The following SEL1L3 variants were observed in gnomAD, a reference collection of about 807,000 sequenced individuals.
SEL1L3 encodes the protein SEL1L family member 3, also known as protein sel-1 homolog 3.
Under a neutral mutation model 142.8 loss-of-function variants are expected in SEL1L3, and 76 were observed. The ratio of observed to expected loss-of-function variants is 0.53; its 90% CI spans 0.44 to 0.64. SEL1L3 has a LOEUF of 0.64. Ranked by LOEUF, SEL1L3 falls within the 30% of genes least tolerant of loss-of-function variation. SEL1L3 has a pLI of 0.00. For missense variants in SEL1L3, 1,262 were observed against 1,381.7 expected, an observed-to-expected ratio of 0.91 and a Z score of 1.37; for synonymous variants, 504 against 519.6, an observed-to-expected ratio of 0.97 and a Z score of 0.41.
intron 17 of SEL1L3, chr4:25,773,299 G>A (rs1248643922): frequency 6.6e-6 from 1 of 152,154 alleles, no homozygotes; most frequent in Admixed American, 6.5e-5. Flanking sequence ...TTACTTCTGG[G>A]TACTGGGGGT....
chr4:25,715,094 G>A, the SEL1L3 span, among the ~76,000 whole-genome samples: 1 of 152,042 alleles, frequency 6.6e-6, no homozygotes, highest in Non-Finnish European at 1.5e-5. Flanking sequence ...GCAATAATTC[G>A]ATAGAAACAG....
chr4:25,860,119 C>G (rs1389262994), intron 1 of SEL1L3, among the ~76,000 whole-genome samples: 2 of 152,212 alleles, frequency 1.3e-5, no homozygotes, highest in Non-Finnish European at 2.9e-5. Flanking sequence ...GTTATCTCAT[C>G]TAAATGGAGA....
chr4:25,845,929 T>C (rs10022890), intron 2 of SEL1L3, among the ~76,000 whole-genome samples: 59,714 of 151,892 alleles, frequency 0.39, 15,246 homozygotes, highest in African/African-American at 0.73. Flanking sequence ...TAGGGTGCAT[T>C]AGAGTCGTGA....
rs1280993901 is a variant in SEL1L3 at position 25,847,589 on chromosome 4, T to C, written c.438A>G (p.Val146=). ...CCATAATGCTTGGAAATTTCACATG[T>C]ACTATTTGTGTCCTGCTGGTGTGAA... is the stretch of plus-strand genomic sequence containing the variant. ...KHLHTSRTQI[V]HVKFPSIMVY... is the part of the protein sequence containing the mutation. Residue 146 remains valine (V), a synonymous_variant, in exon 2 of 24, where the codon GTA becomes GTG. Coordinates refer to ENST00000399878, the MANE Select transcript of SEL1L3 (RefSeq NM_015187.5). 6.2e-7 allele frequency: 1 copy of C among 1,613,902 alleles called. No individual in the cohort carries two copies. The highest frequency in any genetic ancestry group is 1.3e-5 in the African/African-American group (1 of 74,936).
chr4:25,833,620 C>A, intron 3 of SEL1L3, 51 bp from the exon 4 acceptor site: 1 of 1,520,186 alleles, frequency 6.6e-7, no homozygotes. Context: ...CATCCAAGAA[C>A]AGGTAATTAT....
chr4:25,803,544 C>A (rs971466844), intron 10 of SEL1L3, among the ~76,000 whole-genome samples: 1 of 152,192 alleles, frequency 6.6e-6, no homozygotes, highest in Non-Finnish European at 1.5e-5. Context: ...ACTGTGCCAT[C>A]GGGTACCCAG....
intron 5 of SEL1L3, 68 bp from the exon 6 acceptor site, chr4:25,830,224 G>A: frequency 1.0e-6 from 1 of 988,386 alleles, no homozygotes; most frequent in South Asian, 1.4e-5. Flanking sequence ...GCAGTCCTTT[G>A]TGTAAATTAC....
intron 8 of SEL1L3, among the ~76,000 whole-genome samples, chr4:25,819,038 C>T (rs976596840): frequency 2.0e-5 from 3 of 152,178 alleles, no homozygotes; most frequent in East Asian, 1.9e-4. Flanking sequence ...ATACTCAATT[C>T]GCTTTTGCTG....
chr4:25,727,228 AT>A, the SEL1L3 span, among the ~76,000 whole-genome samples: 1 of 151,744 alleles, frequency 6.6e-6, no homozygotes, highest in Non-Finnish European at 1.5e-5. Context: ...AATATTTTGT[AT>A]TTTTAGTAGA....
chr4:25,825,761 G>A (rs1715057471), intron 6 of SEL1L3, among the ~76,000 whole-genome samples: 2 of 134,522 alleles, frequency 1.5e-5, no homozygotes, highest in Non-Finnish European at 3.0e-5. Context: ...TGCAACCTCT[G>A]CCTCCTGGGT....
intron 11 of SEL1L3, among the ~76,000 whole-genome samples, chr4:25,800,858 A>G (rs1713136370): frequency 6.6e-6 from 1 of 152,248 alleles, no homozygotes; most frequent in African/African-American, 2.4e-5. Flanking sequence ...TTCAACATTT[A>G]CTGACAGCAT....
rs1560355486 is a variant in SEL1L3 at position 25,847,715 on chromosome 4, T to C, written c.312A>G (p.Leu104=). Residue 104 remains leucine (L), a synonymous_variant, in exon 2 of 24, where the codon TTA becomes TTG. Coordinates refer to ENST00000399878, the MANE Select transcript of SEL1L3 (RefSeq NM_015187.5). The part of the protein sequence containing the change: ...RNVSEVSVEY[L]CSQPCVVNLE... ...AATTGACAACACAAGGCTGAGAGCA[T>C]AAATACTCAACCGAGACTTCAGAAA... is the stretch of plus-strand genomic sequence containing the variant. The C allele has an allele frequency of 6.2e-7, 1 of 1,613,898 alleles. No individual in the cohort carries two copies. Among genetic ancestry groups the C allele is most frequent in the South Asian group, 1.1e-5 (1 of 91,070 alleles).
chr4:25,714,961 A>T, the SEL1L3 span, among the ~76,000 whole-genome samples: 4,940 of 152,282 alleles, frequency 0.032, 105 homozygotes, highest in Middle Eastern at 0.061. Context: ...AAGCAGAGAA[A>T]GCTCAAATCA....
At chr4:25,759,369 C>A in intron 20 of SEL1L3, 1 of 291,258 alleles carries the variant, frequency 3.4e-6, no homozygotes, top group South Asian at 5.3e-5. Context: ...GGAAAACGTG[C>A]CCTTGTATCA....
chr4:25,751,941 T>C (rs1560272907), intron 23 of SEL1L3, among the ~76,000 whole-genome samples: 1 of 151,766 alleles, frequency 6.6e-6, no homozygotes, highest in Non-Finnish European at 1.5e-5. Context: ...AAACCCTGTC[T>C]CTACTAAAAA....
At chr4:25,789,307 C>T (rs1712104522) in intron 12 of SEL1L3, among the ~76,000 whole-genome samples, 1 of 152,048 alleles carries the variant, frequency 6.6e-6, no homozygotes. Flanking sequence ...CCTCTTGGGC[C>T]AGGTGTGGTG....
At chr4:25,830,200 C>A in intron 5 of SEL1L3, 44 bp from the exon 6 acceptor site, 1 of 1,189,446 alleles carries the variant, frequency 8.4e-7, no homozygotes, top group Non-Finnish European at 1.3e-6. Flanking sequence ...GCCTCATCAC[C>A]CTACATTACC....
intron 23 of SEL1L3, among the ~76,000 whole-genome samples, chr4:25,752,079 A>G (rs1050598440): frequency 7.1e-6 from 1 of 140,744 alleles, no homozygotes; most frequent in Admixed American, 7.8e-5. Context: ...ACTGCACTCC[A>G]GCTTGGGCGA....
intron 2 of SEL1L3, among the ~76,000 whole-genome samples, chr4:25,845,936 G>A (rs1258945840): frequency 1.3e-5 from 2 of 152,168 alleles, no homozygotes; most frequent in East Asian, 1.9e-4. Context: ...CATTAGAGTC[G>A]TGAGGAAGGT....
Sources: allele counts gnomAD v4.1 joint callset (sites outside exome capture counted in the v4.1 genomes callset), GRCh38; gene constraint gnomAD v4.1.1; transcripts MANE v1.5; gene names NCBI Gene and HGNC (gene_info 2026-07-23, HGNC 2026-07-21).